The following RICTOR variants were observed in gnomAD, a reference collection of about 807,000 sequenced individuals.
RICTOR encodes the protein RPTOR independent companion of MTOR complex 2.
Under a neutral mutation model 214.9 loss-of-function variants are expected in RICTOR, and 49 were observed. The ratio of observed to expected loss-of-function variants is 0.23; its 90% CI spans 0.18 to 0.29. The LOEUF (loss-of-function observed/expected upper bound fraction) is 0.29, where lower values mean the gene tolerates loss of function less well. Among genes scored for constraint, RICTOR ranks in the 10% least tolerant of loss-of-function variants. The pLI, the probability that RICTOR is intolerant of heterozygous loss-of-function variation, is 1.00. For missense variants in RICTOR, 1,625 were observed against 2,047.0 expected (o/e 0.79, Z 3.98); for synonymous variants, 717 against 711.3 (o/e 1.01, Z -0.13).
At chr5:39,019,157 G>C (rs1307333441) in intron 3 of RICTOR, among the ~76,000 whole-genome samples, 1 of 152,132 alleles carries the variant, frequency 6.6e-6, no homozygotes, top group Non-Finnish European at 1.5e-5. Context: ...GAGGTTAAAG[G>C]AAAGAACCCA....
intron 2 of RICTOR, among the ~76,000 whole-genome samples, chr5:39,043,745 G>C (rs919486840): frequency 6.6e-6 from 1 of 152,130 alleles, no homozygotes; most frequent in African/African-American, 2.4e-5. Context: ...AGAGGTGACT[G>C]GATCATGAAG....
chr5:38,991,889 A>C (rs1752801701), intron 6 of RICTOR, among the ~76,000 whole-genome samples: 1 of 152,140 alleles, frequency 6.6e-6, no homozygotes, highest in Admixed American at 6.5e-5. Context: ...ACTGGAGTGG[A>C]AATAAAATAT....
chr5:39,063,411 G>GT (rs1758683154), intron 2 of RICTOR, among the ~76,000 whole-genome samples: 1 of 152,066 alleles, frequency 6.6e-6, no homozygotes, highest in Admixed American at 6.5e-5. Flanking sequence ...ACTAAATAAT[G>GT]TACCAGGAAA....
intron 25 of RICTOR, among the ~76,000 whole-genome samples, chr5:38,956,897 A>C (rs1749307837): frequency 6.6e-6 from 1 of 152,146 alleles, no homozygotes. Flanking sequence ...AGTCCATTTA[A>C]GGAGTATCTC....
chr5:39,048,143 A>G (rs1757619761), intron 2 of RICTOR, among the ~76,000 whole-genome samples: 1 of 152,188 alleles, frequency 6.6e-6, no homozygotes, highest in South Asian at 2.1e-4. Context: ...CAACATGGGT[A>G]CCACCTGTGA....
At chr5:39,017,679 A>C (rs191049537) in intron 3 of RICTOR, among the ~76,000 whole-genome samples, 1 of 152,188 alleles carries the variant, frequency 6.6e-6, no homozygotes, top group African/African-American at 2.4e-5. Flanking sequence ...AGCTATAGAA[A>C]AAAACCTATA....
chr5:39,019,347 G>A (rs1044665168), intron 3 of RICTOR, among the ~76,000 whole-genome samples: 9 of 152,142 alleles, frequency 5.9e-5, no homozygotes, highest in Non-Finnish European at 1.2e-4. Context: ...TTCATAACTA[G>A]AGAGAAGTCA....
At chr5:38,966,963 G>C in intron 14 of RICTOR, 198 bp downstream of exon 14, 1 of 630,618 alleles carries the variant, frequency 1.6e-6, no homozygotes, top group Non-Finnish European at 2.8e-6. Context: ...ATCATGCATG[G>C]CTAATTTTTG....
At chr5:38,984,095 C>G (rs1382160015) in intron 7 of RICTOR, among the ~76,000 whole-genome samples, 1 of 151,714 alleles carries the variant, frequency 6.6e-6, no homozygotes, top group Non-Finnish European at 1.5e-5. Flanking sequence ...TTTTTTGGAG[C>G]AATTATTTTA....
At chr5:38,994,085 G>A (rs1270979668) in intron 6 of RICTOR, among the ~76,000 whole-genome samples, 1 of 152,042 alleles carries the variant, frequency 6.6e-6, no homozygotes, top group African/African-American at 2.4e-5. Flanking sequence ...AGCTACTGGG[G>A]AGGCTGAGGC....
At chr5:38,979,862 A>G (rs1579982209) in intron 8 of RICTOR, among the ~76,000 whole-genome samples, 1 of 152,174 alleles carries the variant, frequency 6.6e-6, no homozygotes. Flanking sequence ...TGCTTCTGCC[A>G]ATTTTTTCTC....
At chr5:38,993,002 G>A (rs1435266471) in intron 6 of RICTOR, among the ~76,000 whole-genome samples, 6 of 152,180 alleles carry the variant, frequency 3.9e-5, no homozygotes, top group African/African-American at 1.4e-4. Flanking sequence ...GAGAAGGGCT[G>A]AAAATGAAGA....
intron 2 of RICTOR, among the ~76,000 whole-genome samples, chr5:39,065,158 G>C (rs1258366254): frequency 1.3e-5 from 2 of 152,208 alleles, no homozygotes; most frequent in Non-Finnish European, 2.9e-5. Flanking sequence ...AGGAAGCAGG[G>C]CACCAGCACT....
At chr5:39,039,162 C>A (rs1756975105) in intron 2 of RICTOR, among the ~76,000 whole-genome samples, 1 of 152,160 alleles carries the variant, frequency 6.6e-6, no homozygotes, top group Non-Finnish European at 1.5e-5. Flanking sequence ...AATAATGCCA[C>A]ATATCTACAA....
intron 10 of RICTOR, among the ~76,000 whole-genome samples, chr5:38,975,078 CT>C: frequency 6.6e-6 from 1 of 152,238 alleles, no homozygotes; most frequent in Non-Finnish European, 1.5e-5. Flanking sequence ...ACAATACTTA[CT>C]TTTTATTCCA....
At chr5:38,959,037 T>C (rs1749560178) in intron 22 of RICTOR, among the ~76,000 whole-genome samples, 158 bp downstream of exon 22, 1 of 152,082 alleles carries the variant, frequency 6.6e-6, no homozygotes, top group African/African-American at 2.4e-5. Context: ...GATACAAAAA[T>C]CTGAGTACTA....
intron 7 of RICTOR, among the ~76,000 whole-genome samples, chr5:38,990,747 G>GATATATATCAT (rs1258528025): frequency 2.3e-3 from 54 of 23,080 alleles, no homozygotes; most frequent in African/African-American, 6.8e-3. Context: ...ATATATATGA[G>GATATATATCAT]ATATATGATA....
At position 38,977,671 on chromosome 5, in the gene RICTOR, A is replaced by G. The variant is rs147502837; in HGVS notation, c.821+912T>C. ...AGTGCAGTGGTGTGATCTCAGCTCA[A>G]TGCAAACTCCGCCTCCCAGGTTCAA... is the stretch of plus-strand genomic sequence containing the variant. On this transcript the variant is annotated intron_variant, in intron 9 of 37. Coordinates refer to ENST00000357387, the MANE Select transcript of RICTOR (RefSeq NM_152756.5). Among the ~76,000 whole-genome samples, 140 of 144,706 alleles carry G rather than the reference A, an allele frequency of 9.7e-4. 2 individuals are homozygous for G. In the East Asian group the frequency reaches 0.026, roughly 27 times the overall value. The allele number at this position is 144,706 out of a possible 152,430, so 94.9% of individuals were successfully genotyped here.
intron 18 of RICTOR, 46 bp downstream of exon 18, chr5:38,962,439 T>C (rs1186647218): frequency 4.2e-6 from 5 of 1,189,024 alleles, no homozygotes; most frequent in South Asian, 2.7e-5. Flanking sequence ...TTATAATTAA[T>C]AATAAAATTA....
Sources: allele counts gnomAD v4.1 joint callset (sites outside exome capture counted in the v4.1 genomes callset), GRCh38; gene constraint gnomAD v4.1.1; transcripts MANE v1.5; gene names NCBI Gene and HGNC (gene_info 2026-07-23, HGNC 2026-07-21).